RARB: variants seen among roughly 807,000 people sequenced by gnomAD.
RARB encodes the protein retinoic acid receptor beta.
In RARB, 17 loss-of-function variants were observed where a neutral mutation model predicts 51.9. The ratio of observed to expected loss-of-function variants is 0.33; its 90% CI spans 0.22 to 0.49. RARB has a LOEUF of 0.49. RARB is among the 20% of genes least tolerant of loss of function. RARB has a pLI of 0.99. For synonymous variants in RARB, 215 were observed against 195.4 expected (o/e 1.10, Z -0.84); for missense variants, 369 against 550.8 (o/e 0.67, Z 3.30).
intron 5 of RARB, among the ~76,000 whole-genome samples, chr3:25,294,940 C>T (rs1192029156): frequency 6.6e-6 from 1 of 152,140 alleles, no homozygotes; most frequent in Non-Finnish European, 1.5e-5. Context: ...GATAATAGTG[C>T]CCCAGTTAGC....
At chr3:24,988,393 C>A (rs1050775017) in intron 2 of RARB, among the ~76,000 whole-genome samples, 2 of 152,084 alleles carry the variant, frequency 1.3e-5, no homozygotes, top group Non-Finnish European at 2.9e-5. Flanking sequence ...AAATATATTA[C>A]AAAGTATTCA....
chr3:25,440,316 C>T (rs956672230), intron 1 of RARB, among the ~76,000 whole-genome samples: 6 of 151,798 alleles, frequency 4.0e-5, no homozygotes, highest in East Asian at 1.9e-4. Flanking sequence ...CGTGGTGGCA[C>T]GCACCTGTAG....
chr3:25,195,812 T>G (rs926464702), intron 5 of RARB, among the ~76,000 whole-genome samples: 1 of 151,978 alleles, frequency 6.6e-6, no homozygotes, highest in Non-Finnish European at 1.5e-5. Context: ...ATGTCTTGAG[T>G]GATAAAATAT....
chr3:25,428,495 C>T lies in RARB; in HGVS notation c.-237C>T. 3.9e-6 allele frequency: 5 copies of T among 1,266,212 alleles called. No individual in the cohort carries two copies. Among genetic ancestry groups the T allele is most frequent in the South Asian group, 3.2e-5 (1 of 31,312 alleles). The allele number at this position is 1,266,212 out of a possible 1,614,324, so 78.4% of individuals were successfully genotyped here. ...ACTTGGGATCTTTCTGGGAACCCCC[C>T]GCCCCGGCTGGATTGGCCGAGCAAG... On this transcript the variant is annotated 5_prime_UTR_variant, in exon 1 of 8. Transcript: ENST00000330688.
chr3:25,087,377 C>T (rs537925691), intron 3 of RARB, among the ~76,000 whole-genome samples: 35 of 151,922 alleles, frequency 2.3e-4, no homozygotes, highest in Non-Finnish European at 4.6e-4. Context: ...GATTTTTTTA[C>T]CCCAAAAGTG....
At chr3:25,067,994 G>C (rs1698696174) in intron 3 of RARB, among the ~76,000 whole-genome samples, 1 of 151,362 alleles carries the variant, frequency 6.6e-6, no homozygotes, top group African/African-American at 2.4e-5. Context: ...AAAATTAGCT[G>C]CACACAGTGC....
chr3:25,549,434 G>A (rs965101649), intron 3 of RARB, among the ~76,000 whole-genome samples: 3 of 152,108 alleles, frequency 2.0e-5, no homozygotes, highest in African/African-American at 7.2e-5. Context: ...TTCAGACTCG[G>A]CCAAATTGGT....
chr3:25,483,897 G>A (rs935015866), intron 2 of RARB, among the ~76,000 whole-genome samples: 72 of 152,180 alleles, frequency 4.7e-4, no homozygotes, highest in Admixed American at 4.7e-3. Flanking sequence ...TCGTTCTCAA[G>A]TGCATATTGG....
At chr3:25,335,822 G>A (rs977469801) in intron 5 of RARB, among the ~76,000 whole-genome samples, 1 of 152,138 alleles carries the variant, frequency 6.6e-6, no homozygotes, top group Non-Finnish European at 1.5e-5. Context: ...TGTCACCTAT[G>A]TGGCCAGGGA....
At chr3:25,004,352 A>G (rs888398158) in intron 2 of RARB, among the ~76,000 whole-genome samples, 1 of 152,126 alleles carries the variant, frequency 6.6e-6, no homozygotes, top group Non-Finnish European at 1.5e-5. Context: ...AGGATAGCTG[A>G]GACTGGATAA....
At chr3:25,248,389 G>A (rs1274711124) in intron 5 of RARB, among the ~76,000 whole-genome samples, 2 of 151,948 alleles carry the variant, frequency 1.3e-5, no homozygotes, top group African/African-American at 2.4e-5. Context: ...GATATGGGAG[G>A]GCTTACTCCT....
intron 5 of RARB, among the ~76,000 whole-genome samples, chr3:25,417,021 A>G (rs1707722820): frequency 6.6e-6 from 1 of 152,152 alleles, no homozygotes. Context: ...AACTTCATAT[A>G]TTTGAAGACA....
intron 2 of RARB, among the ~76,000 whole-genome samples, chr3:24,875,988 C>T (rs113316605): frequency 0.031 from 4,698 of 152,172 alleles, 99 homozygotes; most frequent in Middle Eastern, 0.065. Flanking sequence ...CTGCTAGTTA[C>T]TTTTTAGACT....
At chr3:25,572,026 C>T (rs757795328) in intron 4 of RARB, among the ~76,000 whole-genome samples, 5 of 152,174 alleles carry the variant, frequency 3.3e-5, no homozygotes, top group Non-Finnish European at 5.9e-5. Context: ...TAATTGCCAA[C>T]CATTCAGTGG....
At position 25,327,195 on chromosome 3, in the gene RARB, A is replaced by T. The variant is rs9866147; in HGVS notation, c.179-133998A>T. On this transcript the variant is annotated intron_variant, in intron 5 of 11. Coordinates refer to the RARB transcript ENST00000383772. ...TTGGCTATTAAGAATTACAGGGAGA[A>T]ATAAGAGAAAACGAATGGGAAGAAA... is the stretch of plus-strand genomic sequence containing the variant. Among the ~76,000 whole-genome samples the T allele has an allele frequency of 1.7e-3, 261 of 152,314 alleles. 1 individual carries two copies. Among genetic ancestry groups the T allele is most frequent in the African/African-American group, 5.9e-3 (244 of 41,586 alleles).
chr3:25,403,450 C>G (rs893542270), intron 5 of RARB, among the ~76,000 whole-genome samples: 2 of 151,908 alleles, frequency 1.3e-5, no homozygotes, highest in Non-Finnish European at 2.9e-5. Context: ...AAACCCAAAA[C>G]AAACAAAAAA....
At chr3:25,200,028 T>C (rs1374898467) in intron 5 of RARB, among the ~76,000 whole-genome samples, 1 of 152,212 alleles carries the variant, frequency 6.6e-6, no homozygotes, top group Non-Finnish European at 1.5e-5. Context: ...CACACTGTCT[T>C]CCACAATGGT....
intron 2 of RARB, among the ~76,000 whole-genome samples, chr3:24,972,558 C>A (rs35120038): frequency 0.2 from 30,454 of 151,866 alleles, 3,579 homozygotes; most frequent in South Asian, 0.28. Flanking sequence ...TTCTGAGGAA[C>A]CTCTGTACAG....
intron 2 of RARB, among the ~76,000 whole-genome samples, chr3:24,991,115 T>A (rs1398677155): frequency 6.6e-6 from 1 of 152,226 alleles, no homozygotes; most frequent in Non-Finnish European, 1.5e-5. Context: ...ATATTTTGTT[T>A]TGAATTTTCT....
Sources: gnomAD v4.1 joint callset for allele counts (sites outside exome capture counted in the v4.1 genomes callset) on GRCh38, gnomAD v4.1.1 for gene constraint, MANE v1.5 for transcripts, NCBI Gene and HGNC (gene_info 2026-07-23, HGNC 2026-07-21) for gene names.